ROBO2: variants seen among roughly 807,000 people sequenced by gnomAD.
ROBO2 encodes the protein roundabout homolog 2.
ROBO2 carries 53 observed loss-of-function variants against 160.8 expected under a neutral mutation model. That is an observed-to-expected ratio of 0.33 (90% CI 0.26 to 0.41). The LOEUF (loss-of-function observed/expected upper bound fraction) is 0.41. Among genes scored for constraint, ROBO2 ranks in the 10% least tolerant of loss-of-function variants. The pLI is 1.00. For missense variants in ROBO2, 1,577 were observed against 1,722.4 expected (o/e 0.92, Z 1.49); for synonymous variants, 664 against 611.7 (o/e 1.09, Z -1.26).
At chr3:77,006,307 G>T (rs1346209901) in intron 2 of ROBO2, among the ~76,000 whole-genome samples, 1 of 134,082 alleles carries the variant, frequency 7.5e-6, no homozygotes, top group Non-Finnish European at 1.6e-5. Context: ...TTTAATATTT[G>T]TGTGTGTGTG....
chr3:76,939,741 G>A (rs558324750), intron 2 of ROBO2, among the ~76,000 whole-genome samples: 37 of 152,168 alleles, frequency 2.4e-4, no homozygotes, highest in Non-Finnish European at 4.0e-4. Flanking sequence ...CTGAGATTTT[G>A]CTGCTGCACT....
intron 2 of ROBO2, among the ~76,000 whole-genome samples, chr3:77,212,493 TC>T (rs1488149907): frequency 3.3e-5 from 5 of 152,166 alleles, no homozygotes; most frequent in African/African-American, 9.7e-5. Context: ...GATGGGGTTT[TC>T]TAGATATACA....
intron 2 of ROBO2, among the ~76,000 whole-genome samples, chr3:76,247,959 T>G (rs1238345064): frequency 6.6e-6 from 1 of 151,688 alleles, no homozygotes; most frequent in Non-Finnish European, 1.5e-5. Context: ...TCACACCAGT[T>G]AGAATGGCAA....
rs562766625 is a variant in ROBO2 at position 76,661,551 on chromosome 3, T to C, written c.110-436463T>C. ...TCAATCAATAGACGTAAGGTGTACA[T>C]TGGTTCAGTCTGGAAAGGTGGGATA... On this transcript the variant is annotated intron_variant, in intron 2 of 26. Transcript: ENST00000487694. Among the ~76,000 whole-genome samples the C allele has an allele frequency of 5.9e-5, 9 of 152,136 alleles. No individual in the cohort carries two copies. The East Asian group carries it at 1.6e-3, about 26-fold the overall frequency.
chr3:76,291,649 G>A (rs551168494), intron 2 of ROBO2, among the ~76,000 whole-genome samples: 2 of 151,970 alleles, frequency 1.3e-5, no homozygotes, highest in Admixed American at 6.6e-5. Context: ...CTTATTTTCG[G>A]TGTAAGTGTT....
At chr3:76,925,005 G>T (rs1449233832) in intron 2 of ROBO2, among the ~76,000 whole-genome samples, 1 of 151,732 alleles carries the variant, frequency 6.6e-6, no homozygotes, top group African/African-American at 2.4e-5. Context: ...TCAGGAGATC[G>T]AGACCATCCC....
rs1553693999 is a variant in ROBO2, at chr3:76,925,228, A to AAT, written c.110-172785_110-172784insTA. Among the ~76,000 whole-genome samples, 1,325 of 147,546 alleles carry AAT rather than the reference A, an allele frequency of 9.0e-3. 23 individuals carry two copies. Among genetic ancestry groups the AAT allele is most frequent in the African/African-American group, 0.031 (1,246 of 39,718 alleles). Reference sequence around the variant, plus strand: ...TCCGTCTCAAAAAAAAAAAAAAAAAAAAATCTGGTTTGCTTTTCTAAACCT... The same window carrying AAT: ...TCCGTCTCAAAAAAAAAAAAAAAAAAATAAATCTGGTTTGCTTTTCTAAACCT... On this transcript the variant is annotated intron_variant, in intron 2 of 26. Coordinates refer to the ROBO2 transcript ENST00000487694.
intron 7 of ROBO2, among the ~76,000 whole-genome samples, chr3:77,548,670 A>G (rs2092794915): frequency 6.6e-6 from 1 of 152,032 alleles, no homozygotes; most frequent in Non-Finnish European, 1.5e-5. Flanking sequence ...ACGAAGTGGC[A>G]TATAATTCCA....
intron 1 of ROBO2, chr3:75,907,067 ACGGAAGGTCTTGG>A (rs1946376010): frequency 6.6e-6 from 1 of 152,062 alleles, no homozygotes; most frequent in Admixed American, 6.5e-5. Flanking sequence ...TCCCAAATTC[ACGGAAGGTCTTGG>A]CGGTGGCTGC....
At chr3:77,026,369 C>T (rs2062964578) in intron 2 of ROBO2, among the ~76,000 whole-genome samples, 1 of 152,068 alleles carries the variant, frequency 6.6e-6, no homozygotes, top group Admixed American at 6.6e-5. Context: ...CCAATAACAA[C>T]CACAACACTC....
At chr3:77,509,805 G>A (rs1480679055) in intron 5 of ROBO2, among the ~76,000 whole-genome samples, 1 of 152,016 alleles carries the variant, frequency 6.6e-6, no homozygotes, top group Non-Finnish European at 1.5e-5. Flanking sequence ...CTGCCTACTA[G>A]GTTCAAGTAA....
intron 2 of ROBO2, among the ~76,000 whole-genome samples, chr3:76,475,787 T>G (rs546003570): frequency 6.6e-6 from 1 of 152,328 alleles, no homozygotes; most frequent in South Asian, 2.1e-4. Flanking sequence ...GCATCACCAT[T>G]AAGTCGAGTG....
At chr3:76,592,645 A>C (rs2086487735) in intron 2 of ROBO2, among the ~76,000 whole-genome samples, 1 of 152,128 alleles carries the variant, frequency 6.6e-6, no homozygotes, top group African/African-American at 2.4e-5. Flanking sequence ...CTACCAAATT[A>C]GTGGCTTAAA....
intron 2 of ROBO2, among the ~76,000 whole-genome samples, chr3:76,971,176 CA>C (rs1401593370): frequency 5.9e-5 from 9 of 151,980 alleles, no homozygotes; most frequent in African/African-American, 2.2e-4. Flanking sequence ...TTATAAAGAA[CA>C]ACAAAAGCCC....
chr3:77,210,670 G>A (rs1337811520), intron 2 of ROBO2, among the ~76,000 whole-genome samples: 2 of 152,154 alleles, frequency 1.3e-5, no homozygotes, highest in African/African-American at 2.4e-5. Context: ...CATGTGCCAT[G>A]TTGGTGTGCT....
intron 1 of ROBO2, among the ~76,000 whole-genome samples, chr3:75,927,019 C>G (rs1413268031): frequency 1.3e-5 from 2 of 152,172 alleles, no homozygotes; most frequent in Admixed American, 1.3e-4. Context: ...TGAGTACGCT[C>G]TCTCAGATAG....
chr3:77,508,315 C>T (rs1434430772), intron 5 of ROBO2, among the ~76,000 whole-genome samples: 1 of 147,392 alleles, frequency 6.8e-6, no homozygotes, highest in East Asian at 2.0e-4. Flanking sequence ...ATAGTAAAAT[C>T]TTGAACGTTT....
At chr3:76,480,172 T>G (rs2107302371) in intron 2 of ROBO2, among the ~76,000 whole-genome samples, 1 of 152,302 alleles carries the variant, frequency 6.6e-6, no homozygotes, top group African/African-American at 2.4e-5. Flanking sequence ...TGCCAATTCT[T>G]TTTGTTTCTA....
chr3:76,918,280 A>G (rs1449208243), intron 2 of ROBO2, among the ~76,000 whole-genome samples: 3 of 152,038 alleles, frequency 2.0e-5, no homozygotes, highest in Admixed American at 1.3e-4. Flanking sequence ...GTGAGATCTG[A>G]TGGTTTTATA....
Sources: allele counts gnomAD v4.1 joint callset (sites outside exome capture counted in the v4.1 genomes callset), GRCh38; gene constraint gnomAD v4.1.1; transcripts MANE v1.5; gene names NCBI Gene and HGNC (gene_info 2026-07-23, HGNC 2026-07-21).